The following PSD3 variants were observed in gnomAD, a reference collection of about 807,000 sequenced individuals.
PSD3 encodes PH and SEC7 domain-containing protein 3.
In PSD3, 49 loss-of-function variants were observed where a neutral mutation model predicts 105.5. The ratio of observed to expected loss-of-function variants is 0.46; its 90% CI spans 0.37 to 0.59. The LOEUF (loss-of-function observed/expected upper bound fraction) is 0.59. PSD3 is among the 20% of genes least tolerant of loss of function. PSD3 has a pLI of 0.00. For synonymous variants in PSD3, 557 were observed against 457.8 expected (o/e 1.22, Z -2.77); for missense variants, 1,561 against 1,263.8 (o/e 1.24, Z -3.57).
chr8:18,727,199 T>C (rs1803387186), intron 9 of PSD3, among the ~76,000 whole-genome samples: 2 of 151,860 alleles, frequency 1.3e-5, no homozygotes, highest in Non-Finnish European at 2.9e-5. Flanking sequence ...TACCTGGGCA[T>C]GGTGGTGGGC....
At chr8:18,670,236 T>C (rs1253277129) in intron 9 of PSD3, among the ~76,000 whole-genome samples, 1 of 152,038 alleles carries the variant, frequency 6.6e-6, no homozygotes, top group African/African-American at 2.4e-5. Flanking sequence ...CTGAACCGGG[T>C]GGGTCTGAGA....
At chr8:18,683,820 G>T in intron 9 of PSD3, 1 of 765,284 alleles carries the variant, frequency 1.3e-6, no homozygotes, top group Non-Finnish European at 2.4e-6. Context: ...AATTTTCATG[G>T]ACTTTGACCT....
Position 19,012,309 on chromosome 8 carries a change from C to A in PSD3, c.21+1254G>T, listed in dbSNP as rs1312892218. 2.0e-5 allele frequency among the ~76,000 whole-genome samples: 3 copies of A among 152,174 alleles called. No individual in the cohort carries two copies. The East Asian group carries it at 5.8e-4, about 29-fold the overall frequency. On this transcript the variant is annotated intron_variant, in intron 1 of 15. Transcript: ENST00000327040. ...AAGGTGCTAATTTATTTTGCATTTG[C>A]TTAACTGGTGATGTTGAGCATGTTG...
chr8:18,805,540 T>C (rs1466431913), intron 4 of PSD3, among the ~76,000 whole-genome samples: 1 of 152,238 alleles, frequency 6.6e-6, no homozygotes, highest in Non-Finnish European at 1.5e-5. Context: ...AGTGGTAGTT[T>C]CTTAAAGGAT....
chr8:18,838,259 T>C (rs997564181), intron 4 of PSD3, among the ~76,000 whole-genome samples: 1 of 152,194 alleles, frequency 6.6e-6, no homozygotes, highest in Admixed American at 6.5e-5. Context: ...TGGCTTTATG[T>C]GATCAAGAAA....
intron 1 of PSD3, among the ~76,000 whole-genome samples, chr8:19,075,005 G>A (rs1829420429): frequency 6.6e-6 from 1 of 151,622 alleles, no homozygotes; most frequent in Non-Finnish European, 1.5e-5. Flanking sequence ...GAGTACAGTG[G>A]TGCAGTCTCA....
chr8:18,831,305 C>T lies in PSD3; in HGVS notation c.1635-26407G>A, dbSNP rs1813663491. ...TGAACTTAAGTATAGTACCACCTAA[C>T]TCAATGTACCAGGATTAGCAGTCTC... On this transcript the variant is annotated intron_variant, in intron 4 of 15. Coordinates refer to ENST00000327040, the MANE Select transcript of PSD3 (RefSeq NM_015310.4). Among the ~76,000 whole-genome samples the T allele has an allele frequency of 2.0e-5, 3 of 152,218 alleles. No individual in the cohort carries two copies. In the South Asian group the frequency reaches 6.2e-4, roughly 32 times the overall value.
chr8:18,710,070 C>T (rs1352051623), intron 9 of PSD3, among the ~76,000 whole-genome samples: 1 of 152,082 alleles, frequency 6.6e-6, no homozygotes, highest in Non-Finnish European at 1.5e-5. Context: ...GGGTTCTAAC[C>T]CAATTCAAAG....
At chr8:19,074,647 G>A (rs1295793925) in intron 1 of PSD3, among the ~76,000 whole-genome samples, 3 of 102,722 alleles carry the variant, frequency 2.9e-5, no homozygotes, top group African/African-American at 4.1e-5. Context: ...TTGAGATGGA[G>A]TCTCGCTCTG....
intron 11 of PSD3, among the ~76,000 whole-genome samples, chr8:18,629,774 T>G (rs1806762150): frequency 1.3e-5 from 2 of 152,018 alleles, no homozygotes; most frequent in Admixed American, 6.6e-5. Flanking sequence ...GTTATTTATT[T>G]TAATTGTGTT....
intron 11 of PSD3, among the ~76,000 whole-genome samples, chr8:18,616,908 C>G (rs997733051): frequency 4.6e-5 from 7 of 152,060 alleles, no homozygotes; most frequent in African/African-American, 1.7e-4. Context: ...CAGGCGTGAG[C>G]CACCGCGCCC....
chr8:18,601,633 T>C (rs1167514827), intron 11 of PSD3, among the ~76,000 whole-genome samples: 1 of 152,128 alleles, frequency 6.6e-6, no homozygotes, highest in Middle Eastern at 3.2e-3. Flanking sequence ...AGATAATAAA[T>C]ATCATCCCTT....
chr8:18,840,968 C>T (rs1350246020), intron 4 of PSD3, among the ~76,000 whole-genome samples: 2 of 152,130 alleles, frequency 1.3e-5, no homozygotes, highest in African/African-American at 4.8e-5. Flanking sequence ...CACCTTGCCC[C>T]TCTAAAATTC....
intron 4 of PSD3, among the ~76,000 whole-genome samples, chr8:18,843,708 A>C (rs1450754688): frequency 6.6e-6 from 1 of 152,200 alleles, no homozygotes; most frequent in Non-Finnish European, 1.5e-5. Flanking sequence ...TTTGTGATTA[A>C]GGGAACTAAT....
intron 11 of PSD3, among the ~76,000 whole-genome samples, chr8:18,619,832 T>A (rs1187945653): frequency 6.6e-6 from 1 of 152,144 alleles, no homozygotes; most frequent in East Asian, 1.9e-4. Flanking sequence ...TACCCCAAAA[T>A]AAATTTCTTT....
chr8:18,948,308 ACT>A (rs1218036148), intron 1 of PSD3, among the ~76,000 whole-genome samples: 1 of 152,146 alleles, frequency 6.6e-6, no homozygotes, highest in East Asian at 1.9e-4. Context: ...CTGGCTACAG[ACT>A]CTGGATTCTT....
chr8:19,037,599 C>T, intron 1 of PSD3, among the ~76,000 whole-genome samples: 1 of 152,120 alleles, frequency 6.6e-6, no homozygotes, highest in Non-Finnish European at 1.5e-5. Context: ...ATATGAATGG[C>T]CATCGTCCAG....
At chr8:18,616,785 G>A (rs561083685) in intron 11 of PSD3, among the ~76,000 whole-genome samples, 11 of 151,068 alleles carry the variant, frequency 7.3e-5, no homozygotes, top group African/African-American at 2.4e-4. Context: ...CACCACGCCC[G>A]GCTCATTTTT....
intron 2 of PSD3, among the ~76,000 whole-genome samples, chr8:18,876,886 G>C (rs752586836): frequency 6.6e-6 from 1 of 152,224 alleles, no homozygotes; most frequent in African/African-American, 2.4e-5. Flanking sequence ...CATCCTAGAA[G>C]TGGTATCTCA....
Sources: allele counts gnomAD v4.1 joint callset (sites outside exome capture counted in the v4.1 genomes callset), GRCh38; gene constraint gnomAD v4.1.1; transcripts MANE v1.5; gene names NCBI Gene and HGNC (gene_info 2026-07-23, HGNC 2026-07-21).